The following FGD4 variants were observed in gnomAD, a reference collection of about 807,000 sequenced individuals.
FGD4 encodes FYVE, RhoGEF and PH domain-containing protein 4.
FGD4 carries 42 observed loss-of-function variants against 102.0 expected under a neutral mutation model. The observed-to-expected ratio is 0.41, with a 90% CI of 0.32 to 0.53. FGD4 has a LOEUF of 0.53. FGD4 is among the 20% of genes least tolerant of loss of function. The pLI, the probability that FGD4 is intolerant of heterozygous loss-of-function variation, is 0.21. For synonymous variants in FGD4, 380 were observed against 375.7 expected, an observed-to-expected ratio of 1.01 and a Z score of -0.13; for missense variants, 902 against 1,078.2, an observed-to-expected ratio of 0.84 and a Z score of 2.29.
At chr12:32,434,922 G>A (rs1221457814) in intron 1 of FGD4, among the ~76,000 whole-genome samples, 4 of 151,668 alleles carry the variant, frequency 2.6e-5, no homozygotes, top group Admixed American at 6.6e-5. Flanking sequence ...GAGCAGCTTC[G>A]CTTCATTTCT....
intron 15 of FGD4, among the ~76,000 whole-genome samples, chr12:32,635,260 A>C (rs1168305933): frequency 1.3e-5 from 2 of 152,212 alleles, no homozygotes; most frequent in African/African-American, 4.8e-5. Flanking sequence ...CATCAGGAAC[A>C]GAGCCTCAAG....
At chr12:32,526,665 C>T (rs1399480305) in intron 1 of FGD4, among the ~76,000 whole-genome samples, 1 of 152,186 alleles carries the variant, frequency 6.6e-6, no homozygotes, top group Non-Finnish European at 1.5e-5. Context: ...GAGCTTTGTT[C>T]TTTCGCTATT....
chr12:32,634,068 ATT>A (rs1203153782), intron 15 of FGD4, among the ~76,000 whole-genome samples: 21 of 152,322 alleles, frequency 1.4e-4, no homozygotes, highest in African/African-American at 5.1e-4. Context: ...GTGTTTAACA[ATT>A]TGTATAATGA....
chr12:32,489,187 C>T (rs572365793), intron 1 of FGD4, among the ~76,000 whole-genome samples: 1 of 151,986 alleles, frequency 6.6e-6, no homozygotes, highest in Admixed American at 6.5e-5. Context: ...CTGTAGTGCA[C>T]ATAAGTCTTC....
At chr12:32,548,267 A>C (rs1331774986) in intron 1 of FGD4, among the ~76,000 whole-genome samples, 2 of 152,154 alleles carry the variant, frequency 1.3e-5, no homozygotes, top group African/African-American at 4.8e-5. Context: ...CTTCAATGTG[A>C]AGTCAAGTTT....
At chr12:32,485,870 A>C (rs1943882362) in intron 1 of FGD4, 6 of 1,240,462 alleles carry the variant, frequency 4.8e-6, no homozygotes, top group Non-Finnish European at 6.1e-6. Flanking sequence ...GTACATTTTG[A>C]AACACCTTCG....
intron 1 of FGD4, among the ~76,000 whole-genome samples, chr12:32,435,392 A>G (rs1247758150): frequency 6.6e-6 from 1 of 152,188 alleles, no homozygotes; most frequent in African/African-American, 2.4e-5. Flanking sequence ...AATCAGGATA[A>G]TCAAAGGTCT....
chr12:32,563,768 G>A (rs1944918928), intron 1 of FGD4, among the ~76,000 whole-genome samples: 1 of 152,184 alleles, frequency 6.6e-6, no homozygotes, highest in Non-Finnish European at 1.5e-5. Flanking sequence ...GGAGGCCGAG[G>A]CTGGCGGATC....
rs550269875 is a variant in FGD4, at chr12:32,466,934, C to G, written c.166+66975C>G. ...CTACGGAATGTGGTACAGGCAAGGC[C>G]TTTTTAGAGGGCATCAGCCTTCACC... On this transcript the variant is annotated intron_variant, in intron 1 of 16. Transcript: ENST00000534526. Among the ~76,000 whole-genome samples the G allele has an allele frequency of 2.0e-5, 3 of 151,626 alleles. No homozygotes were observed. The South Asian group carries it at 6.3e-4, about 32-fold the overall frequency.
intron 1 of FGD4, among the ~76,000 whole-genome samples, chr12:32,448,259 A>G (rs1028474187): frequency 2.0e-5 from 3 of 152,176 alleles, no homozygotes; most frequent in Non-Finnish European, 4.4e-5. Context: ...TGTTAGAGGT[A>G]TTAGGATGGA....
In FGD4 at chr12:32,526,780, C is replaced by T. The variant is rs557782955; in HGVS notation, c.167-37357C>T. On this transcript the variant is annotated intron_variant, in intron 1 of 16. Transcript: ENST00000534526. ...GCTTCACTCCTGAGCCCAGCAAGACCACGAGCCCACTGGGAGGAACGAACA... is the reference window on the plus strand; with the variant it reads ...GCTTCACTCCTGAGCCCAGCAAGACTACGAGCCCACTGGGAGGAACGAACA... 2.6e-5 allele frequency among the ~76,000 whole-genome samples: 4 copies of T among 152,264 alleles called. 1 individual carries two copies. Among genetic ancestry groups the T allele is most frequent in the African/African-American group, 9.6e-5 (4 of 41,546 alleles).
At chr12:32,519,048 G>A (rs1175194188) in intron 1 of FGD4, among the ~76,000 whole-genome samples, 3 of 145,948 alleles carry the variant, frequency 2.1e-5, no homozygotes, top group Non-Finnish European at 1.5e-5. Flanking sequence ...CAGGGAGGCA[G>A]AGGTTGCAGT....
chr12:32,565,376 A>G (rs1945106748), intron 2 of FGD4, among the ~76,000 whole-genome samples: 1 of 152,192 alleles, frequency 6.6e-6, no homozygotes, highest in Admixed American at 6.5e-5. Context: ...TGAGCTTACA[A>G]CCATTTCTTT....
rs570066967 is a variant in FGD4, at chr12:32,474,100, CAA to C, written c.166+74145_166+74146del. ...GAGACTCTGTCTCAAAAAAAAAAAA[CAA>C]AAAGTATTCGGGGCTGTGGAGAAAT... On this transcript the variant is annotated intron_variant, in intron 1 of 16. Transcript: ENST00000534526. 7.4e-5 allele frequency among the ~76,000 whole-genome samples: 11 copies of C among 148,802 alleles called. No homozygotes were observed. The South Asian group carries it at 1.9e-3, about 26-fold the overall frequency.
chr12:32,486,135 T>TG (rs1357153004), intron 1 of FGD4: 2 of 1,529,402 alleles, frequency 1.3e-6, no homozygotes, highest in Non-Finnish European at 1.7e-6. Context: ...GAATCTTTTA[T>TG]GGGGGGCTGT....
intron 1 of FGD4, among the ~76,000 whole-genome samples, chr12:32,542,505 G>A (rs1172649278): frequency 2.6e-5 from 4 of 152,116 alleles, no homozygotes; most frequent in Non-Finnish European, 5.9e-5. Context: ...TGAAATATTA[G>A]GCAGTTTGAT....
intron 1 of FGD4, among the ~76,000 whole-genome samples, chr12:32,561,990 C>T (rs1185336452): frequency 1.3e-5 from 2 of 151,902 alleles, no homozygotes; most frequent in Non-Finnish European, 2.9e-5. Context: ...AGCTAGTGGG[C>T]GAGAGGGTGT....
At chr12:32,638,970 A>C in intron 16 of FGD4, 175 bp downstream of exon 16, 1 of 1,456,690 alleles carries the variant, frequency 6.9e-7, no homozygotes. Context: ...GATTCATTTT[A>C]TAGCCTATAT....
At position 32,491,187 on chromosome 12, in the gene FGD4, A is replaced by G. The variant is rs148720040; in HGVS notation, c.167-72950A>G. Among the ~76,000 whole-genome samples, 215 of 151,834 alleles carry G rather than the reference A, an allele frequency of 1.4e-3. 2 individuals are homozygous for G. The highest frequency in any genetic ancestry group is 5.1e-3 in the African/African-American group (211 of 41,464). ...AAAATTGGAAAGGTATATAAGCATT[A>G]TAGGAATATTTAGAAACAAATTATG... On this transcript the variant is annotated intron_variant, in intron 1 of 16. Transcript: ENST00000534526.
Sources: allele counts gnomAD v4.1 joint callset (sites outside exome capture counted in the v4.1 genomes callset), GRCh38; gene constraint gnomAD v4.1.1; transcripts MANE v1.5; gene names NCBI Gene and HGNC (gene_info 2026-07-23, HGNC 2026-07-21).